Variants in LEMD1 observed in about 807,000 individuals in gnomAD.
LEMD1 encodes LEM domain-containing protein 1.
LEMD1 carries 18 observed loss-of-function variants against 17.4 expected under a neutral mutation model. The observed-to-expected ratio is 1.04, with a 90% CI of 0.72 to 1.54. The LOEUF is 1.54. Ranked by LOEUF, LEMD1 falls within the 40% of genes most tolerant of loss-of-function variation. LEMD1 has a pLI of 0.00. For synonymous variants in LEMD1, 88 were observed against 77.8 expected, an observed-to-expected ratio of 1.13 and a Z score of -0.69; for missense variants, 195 against 210.4, an observed-to-expected ratio of 0.93 and a Z score of 0.45.
At chr1:205,405,606 A>C (rs1378349847) in intron 4 of LEMD1, among the ~76,000 whole-genome samples, 2 of 150,228 alleles carry the variant, frequency 1.3e-5, no homozygotes, top group Non-Finnish European at 1.5e-5. Context: ...CATTCATCTA[A>C]ATTTTTTTCA....
chr1:205,421,368 G>A (rs907741412), intron 1 of LEMD1, among the ~76,000 whole-genome samples: 5 of 152,158 alleles, frequency 3.3e-5, no homozygotes, highest in African/African-American at 1.2e-4. Flanking sequence ...AAATTTTGGA[G>A]TTTATTGTAC....
intron 1 of LEMD1, among the ~76,000 whole-genome samples, chr1:205,444,148 G>A (rs562418396): frequency 9.1e-4 from 138 of 151,772 alleles, no homozygotes; most frequent in African/African-American, 3.3e-3. Flanking sequence ...CCTTTTCCAT[G>A]CCCATAGTCC....
chr1:205,411,203 G>GAAGA (rs373933919), intron 4 of LEMD1, among the ~76,000 whole-genome samples: 2 of 129,022 alleles, frequency 1.6e-5, no homozygotes, highest in African/African-American at 2.9e-5. Flanking sequence ...AGGAAGGAAG[G>GAAGA]AAGAAAGAAA....
chr1:205,419,696 C>T (rs1419019400), intron 2 of LEMD1, among the ~76,000 whole-genome samples: 1 of 152,182 alleles, frequency 6.6e-6, no homozygotes, highest in Admixed American at 6.5e-5. Flanking sequence ...GAATTCCTGA[C>T]CTCAAGTGAT....
intron 3 of LEMD1, 128 bp from the exon 4 acceptor site, chr1:205,416,424 G>A (rs886177644): frequency 1.1e-5 from 7 of 655,046 alleles, no homozygotes; most frequent in East Asian, 2.8e-5. Flanking sequence ...GAAAATTCAC[G>A]TGGCTCTTCT....
At chr1:205,418,160 G>A (rs1205907412) in intron 3 of LEMD1, among the ~76,000 whole-genome samples, 2 of 152,198 alleles carry the variant, frequency 1.3e-5, no homozygotes, top group Admixed American at 1.3e-4. Context: ...TAAGTGCTGT[G>A]AGAGTTAAAT....
chr1:205,412,833 G>A (rs904850861), intron 4 of LEMD1, among the ~76,000 whole-genome samples: 4 of 152,134 alleles, frequency 2.6e-5, no homozygotes, highest in Admixed American at 1.3e-4. Flanking sequence ...TCAGGTTTAT[G>A]TAAAGTGGAG....
chr1:205,403,491 A>C (rs1664948400), intron 4 of LEMD1, among the ~76,000 whole-genome samples: 1 of 151,998 alleles, frequency 6.6e-6, no homozygotes, highest in Non-Finnish European at 1.5e-5. Flanking sequence ...ATTTGCATAG[A>C]GGTGTTTGTA....
chr1:205,412,467 C>T (rs1665494380), intron 4 of LEMD1, among the ~76,000 whole-genome samples: 1 of 152,160 alleles, frequency 6.6e-6, no homozygotes, highest in African/African-American at 2.4e-5. Context: ...CTCTAAGTGG[C>T]TTGCATTCCA....
At chr1:205,433,850 A>ATT (rs111881405) in intron 1 of LEMD1, among the ~76,000 whole-genome samples, 7,023 of 152,288 alleles carry the variant, frequency 0.046, 268 homozygotes, top group African/African-American at 0.1. Context: ...TGCCTGTGTG[A>ATT]TACTTGAGTC....
chr1:205,414,411 C>T (rs546398969), intron 4 of LEMD1, among the ~76,000 whole-genome samples: 13 of 141,290 alleles, frequency 9.2e-5, no homozygotes, highest in African/African-American at 3.3e-4. Context: ...CGTGAGACCC[C>T]TGTCTCTACA....
chr1:205,394,731 G>C (rs1411433412), intron 4 of LEMD1, among the ~76,000 whole-genome samples: 1 of 151,968 alleles, frequency 6.6e-6, no homozygotes, highest in African/African-American at 2.4e-5. Flanking sequence ...GCTCATGCCT[G>C]TAATCTCAGC....
At chr1:205,404,588 T>C (rs191267103) in intron 4 of LEMD1, among the ~76,000 whole-genome samples, 3 of 152,344 alleles carry the variant, frequency 2.0e-5, no homozygotes, top group East Asian at 3.9e-4. Flanking sequence ...TTTGAGCCTA[T>C]GTGTGTCTCT....
At chr1:205,401,253 A>G (rs1262960776) in intron 4 of LEMD1, among the ~76,000 whole-genome samples, 3 of 152,182 alleles carry the variant, frequency 2.0e-5, no homozygotes, top group African/African-American at 7.2e-5. Flanking sequence ...CTAGTCCTAG[A>G]TCCCCGAGGA....
Position 205,420,480 on chromosome 1 carries a change from A to G in LEMD1, c.57T>C (p.Leu19=). The stretch of plus-strand genomic sequence containing the variant: ...GTAGTATTGGGCCAGGTGAAAATCC[A>G]AGCTTCTCAAGTTGGTTCTGCAATT... ...DCKLQNQLEK[L]GFSPGPILPS... The change falls in exon 2 of 6, where the codon CTT becomes CTC. Residue 19 remains leucine, a synonymous_variant. Transcript: ENST00000367153. 5 of 1,613,984 alleles carry G rather than the reference A, an allele frequency of 3.1e-6. No individual in the cohort carries two copies. The highest frequency in any genetic ancestry group is 4.2e-6 in the Non-Finnish European group (5 of 1,179,878).
intron 4 of LEMD1, among the ~76,000 whole-genome samples, chr1:205,392,263 A>G (rs1664379043): frequency 6.6e-6 from 1 of 152,242 alleles, no homozygotes; most frequent in African/African-American, 2.4e-5. Flanking sequence ...AACATGTTTG[A>G]AACAAATGAA....
chr1:205,413,215 T>C (rs929527042), intron 4 of LEMD1, among the ~76,000 whole-genome samples: 1 of 152,248 alleles, frequency 6.6e-6, no homozygotes, highest in Non-Finnish European at 1.5e-5. Context: ...AGGTGAGCTT[T>C]GAACTCCTAC....
At position 205,419,372 on chromosome 1, in the gene LEMD1, A is replaced by G; in HGVS notation, c.83-20T>C. On this transcript the variant is annotated intron_variant, in intron 2 of 5. Coordinates refer to ENST00000367153, the MANE Select transcript of LEMD1 (RefSeq NM_001199050.2). ...TGGAAGCTGAGGAAGAATTTGGAGAACAAATTAAATTGTTCTGTTTTTTGT... is the reference window on the plus strand; with the variant it reads ...TGGAAGCTGAGGAAGAATTTGGAGAGCAAATTAAATTGTTCTGTTTTTTGT... 6.2e-7 allele frequency: 1 copy of G among 1,613,990 alleles called. No individual in the cohort carries two copies. The highest frequency in any genetic ancestry group is 8.5e-7 in the Non-Finnish European group (1 of 1,179,842).
intron 4 of LEMD1, among the ~76,000 whole-genome samples, chr1:205,414,435 T>C (rs28448623): frequency 1.4e-5 from 2 of 139,356 alleles, no homozygotes; most frequent in African/African-American, 5.3e-5. Flanking sequence ...AAAAAAAAAG[T>C]TTTTTTTGAG....
Sources: allele counts gnomAD v4.1 joint callset (sites outside exome capture counted in the v4.1 genomes callset), GRCh38; gene constraint gnomAD v4.1.1; transcripts MANE v1.5; gene names NCBI Gene and HGNC (gene_info 2026-07-23, HGNC 2026-07-21).